The following MGST1 variants were observed in gnomAD, a reference collection of about 807,000 sequenced individuals.
The protein encoded by MGST1 is microsomal glutathione S-transferase 1.
Under a neutral mutation model 8.9 loss-of-function variants are expected in MGST1, and 5 were observed. That is an observed-to-expected ratio of 0.56 (90% CI 0.29 to 1.19). MGST1 has a LOEUF of 1.19. Among genes scored for constraint, MGST1 ranks in the 50% most tolerant of loss-of-function variants. The pLI, the probability that MGST1 is intolerant of heterozygous loss-of-function variation, is 0.08. For synonymous variants in MGST1, 54 were observed against 67.8 expected (o/e 0.80, Z 1.00); for missense variants, 182 against 187.4 (o/e 0.97, Z 0.17).
At chr12:16,496,825 A>G (rs1213443689) in intron 4 of MGST1, among the ~76,000 whole-genome samples, 1 of 152,192 alleles carries the variant, frequency 6.6e-6, no homozygotes, top group East Asian at 1.9e-4. Context: ...TAGGAGAAAG[A>G]AAATGAGAAT....
chr12:16,426,922 G>A (rs368436988), intron 1 of MGST1, among the ~76,000 whole-genome samples: 9 of 133,656 alleles, frequency 6.7e-5, no homozygotes, highest in African/African-American at 2.2e-4. Flanking sequence ...AGTGAGCCGA[G>A]ATCACACCAC....
chr12:16,439,953 C>G (rs1167456108), downstream of MGST1, among the ~76,000 whole-genome samples: 1 of 151,744 alleles, frequency 6.6e-6, no homozygotes, highest in African/African-American at 2.4e-5. Context: ...TTCAGCAAAG[C>G]CTTTTCTATC....
chr12:16,571,028 TATA>T (rs941344254), intron 4 of MGST1, among the ~76,000 whole-genome samples: 7 of 152,160 alleles, frequency 4.6e-5, no homozygotes, highest in Non-Finnish European at 8.8e-5. Context: ...AAACTTAAAG[TATA>T]ATAATAATAA....
Position 16,413,665 on chromosome 12 carries a change from A to C in MGST1, n.779-23723A>C, listed in dbSNP as rs996194245. Reference sequence around the variant, plus strand: ...CATTTACCCTTATTTTTTTCCATACATTCTCAAGGAAGTGTCGGTTATCCC... The same window carrying C: ...CATTTACCCTTATTTTTTTCCATACCTTCTCAAGGAAGTGTCGGTTATCCC... On this transcript the variant is annotated intron_variant and non_coding_transcript_variant, in intron 1 of 1. Transcript: ENST00000359720. This position sits in a 1 kb window ranked among gnomAD's most constrained non-coding sequence, Gnocchi z 4.0. Among the ~76,000 whole-genome samples the C allele has an allele frequency of 1.3e-4, 20 of 152,088 alleles. No individual in the cohort carries two copies. Among genetic ancestry groups the C allele is most frequent in the African/African-American group, 4.8e-4 (20 of 41,410 alleles).
At chr12:16,435,704 A>G (rs1940979289) in intron 1 of MGST1, among the ~76,000 whole-genome samples, 1 of 151,936 alleles carries the variant, frequency 6.6e-6, no homozygotes, top group South Asian at 2.1e-4. Flanking sequence ...AAAGTTGTGA[A>G]AAGACTTGTA....
intron 4 of MGST1, among the ~76,000 whole-genome samples, chr12:16,523,462 C>A (rs1941662032): frequency 6.6e-6 from 1 of 152,028 alleles, no homozygotes; most frequent in South Asian, 2.1e-4. Flanking sequence ...CCTACCTCTT[C>A]CAGGAAGCTT....
At chr12:16,509,977 T>C (rs938043959) in intron 4 of MGST1, among the ~76,000 whole-genome samples, 1 of 152,204 alleles carries the variant, frequency 6.6e-6, no homozygotes, top group Admixed American at 6.5e-5. Context: ...TCCTCAACTA[T>C]ACCAGATGAA....
Position 16,410,231 on chromosome 12 carries a change from A to G in MGST1, n.778+26627A>G, listed in dbSNP as rs1327718434. Among the ~76,000 whole-genome samples the G allele has an allele frequency of 6.6e-6, 1 of 152,182 alleles. No homozygotes were observed. Among genetic ancestry groups the G allele is most frequent in the Non-Finnish European group, 1.5e-5 (1 of 68,042 alleles). On this transcript the variant is annotated intron_variant and non_coding_transcript_variant, in intron 1 of 1. Transcript: ENST00000359720. This position sits in a 1 kb window ranked among gnomAD's most constrained non-coding sequence, Gnocchi z 4.4. ...TAGCCTATCTTGTCTGCTCTTTGAC[A>G]TTTTAAGATGATTTACCATATTTAA...
intron 4 of MGST1, among the ~76,000 whole-genome samples, chr12:16,553,660 G>T (rs890257166): frequency 1.3e-5 from 2 of 152,094 alleles, no homozygotes; most frequent in Non-Finnish European, 2.9e-5. Context: ...AGCCTTGAAA[G>T]CTGTGGTTAA....
chr12:16,412,683 G>C (rs1940752572), intron 1 of MGST1, among the ~76,000 whole-genome samples: 1 of 152,036 alleles, frequency 6.6e-6, no homozygotes, highest in African/African-American at 2.4e-5. Context: ...GAGATCCGAT[G>C]GTTTTATAAA....
chr12:16,451,853 G>T (rs1347669038), intron 4 of MGST1, among the ~76,000 whole-genome samples: 1 of 151,738 alleles, frequency 6.6e-6, no homozygotes, highest in Admixed American at 6.6e-5. Flanking sequence ...TTTAATACAG[G>T]TTTCATTATT....
chr12:16,516,992 T>C (rs1941619241), intron 4 of MGST1, among the ~76,000 whole-genome samples: 1 of 152,216 alleles, frequency 6.6e-6, no homozygotes, highest in Admixed American at 6.5e-5. Context: ...GATTTAGCTC[T>C]ACATTTTTCT....
chr12:16,492,120 T>C (rs2137157317), intron 4 of MGST1, among the ~76,000 whole-genome samples: 1 of 152,324 alleles, frequency 6.6e-6, no homozygotes, highest in South Asian at 2.1e-4. Context: ...AATGTTCATA[T>C]GAAAAAAATG....
At chr12:16,456,792 A>C (rs1282731714) in intron 4 of MGST1, among the ~76,000 whole-genome samples, 8 of 151,870 alleles carry the variant, frequency 5.3e-5, no homozygotes, top group African/African-American at 1.9e-4. Context: ...AGCTATTCTG[A>C]AGTCCTCATC....
chr12:16,408,681 G>A (rs2137070821), intron 1 of MGST1, among the ~76,000 whole-genome samples: 1 of 152,010 alleles, frequency 6.6e-6, no homozygotes, highest in Non-Finnish European at 1.5e-5. Context: ...ATCACTTCTG[G>A]AAAACTTTTA....
chr12:16,553,763 C>CAGAT (rs886201612), intron 4 of MGST1, among the ~76,000 whole-genome samples: 1 of 151,272 alleles, frequency 6.6e-6, no homozygotes, highest in African/African-American at 2.4e-5. Flanking sequence ...GACAGCAATA[C>CAGAT]AGATAGTATG....
intron 4 of MGST1, among the ~76,000 whole-genome samples, chr12:16,564,735 AAGATC>A (rs1296869305): frequency 3.9e-5 from 6 of 152,228 alleles, no homozygotes; most frequent in African/African-American, 1.4e-4. Flanking sequence ...ATTCTGAGTA[AAGATC>A]AGATCAGTAG....
downstream of MGST1, among the ~76,000 whole-genome samples, chr12:16,442,531 C>T (rs148107154): frequency 3.6e-3 from 545 of 151,768 alleles, 2 homozygotes; most frequent in African/African-American, 0.012. The surrounding 1 kb of genome is among the most constrained non-coding windows in gnomAD (Gnocchi z 4.5). Flanking sequence ...TTTTTGCATG[C>T]GGATGTCTAT....
downstream of MGST1, among the ~76,000 whole-genome samples, chr12:16,442,461 T>C (rs1457105072): frequency 2.0e-5 from 3 of 152,018 alleles, no homozygotes; most frequent in African/African-American, 4.8e-5. The surrounding 1 kb of genome is among the most constrained non-coding windows in gnomAD (Gnocchi z 4.5). Flanking sequence ...TACATTTACA[T>C]CTGTGACCCA....
Sources: allele counts gnomAD v4.1 joint callset (sites outside exome capture counted in the v4.1 genomes callset), GRCh38; gene constraint gnomAD v4.1.1; non-coding constraint Gnocchi (gnomAD v3.1); transcripts MANE v1.5; gene names NCBI Gene and HGNC (gene_info 2026-07-23, HGNC 2026-07-21).